The following RDX variants were observed in gnomAD, a reference collection of about 807,000 sequenced individuals.
The protein encoded by RDX is deafness, autosomal recessive 24.
A neutral mutation model predicts 83.7 loss-of-function variants in RDX; 32 were observed. The observed-to-expected ratio is 0.38, with a 90% confidence interval of 0.29 to 0.51. The LOEUF is 0.51. Ranked by LOEUF, RDX falls within the 20% of genes least tolerant of loss-of-function variation. The pLI is 0.87. For missense variants in RDX, 600 were observed against 689.9 expected (o/e 0.87, Z 1.46); for synonymous variants, 229 against 222.7 (o/e 1.03, Z -0.25).
downstream of RDX, among the ~76,000 whole-genome samples, chr11:110,224,635 A>G (rs1424014324): frequency 6.6e-6 from 1 of 152,224 alleles, no homozygotes; most frequent in Non-Finnish European, 1.5e-5. Context: ...CATTCCCAAA[A>G]AGTCATGGAT....
chr11:110,264,957 A>C, intron 3 of RDX, 83 bp from the exon 4 acceptor site: 13 of 970,148 alleles, frequency 1.3e-5, no homozygotes, highest in Non-Finnish European at 2.1e-5. Flanking sequence ...TCAAAAGGAG[A>C]ACAAAACTAT....
chr11:110,244,534 C>T (rs1368796211), intron 10 of RDX, among the ~76,000 whole-genome samples: 1 of 151,994 alleles, frequency 6.6e-6, no homozygotes, highest in Admixed American at 6.6e-5. Context: ...GAGAAAGATT[C>T]GTGGTTGTCT....
intron 10 of RDX, among the ~76,000 whole-genome samples, chr11:110,246,827 G>A (rs879868885): frequency 7.3e-5 from 11 of 151,500 alleles, no homozygotes; most frequent in Non-Finnish European, 1.0e-4. Context: ...TCCCAAAATC[G>A]GAATATTTCT....
At chr11:110,283,572 AAAAG>A (rs1367601071) in intron 1 of RDX, among the ~76,000 whole-genome samples, 1 of 152,184 alleles carries the variant, frequency 6.6e-6, no homozygotes, top group Non-Finnish European at 1.5e-5. Flanking sequence ...ATTTTTTTCA[AAAAG>A]AAAGGAGAAG....
chr11:110,188,200 A>G (rs1183863585), intron 15 of RDX, among the ~76,000 whole-genome samples: 1 of 152,016 alleles, frequency 6.6e-6, no homozygotes, highest in African/African-American at 2.4e-5. Context: ...AGGCTGAGGC[A>G]GGAGAATCAC....
chr11:110,209,035 G>C (rs1863710746), intron 14 of RDX, among the ~76,000 whole-genome samples: 1 of 152,222 alleles, frequency 6.6e-6, no homozygotes, highest in Non-Finnish European at 1.5e-5. Context: ...CAGCGTGAGC[G>C]ACGCAGAAGA....
rs1491576666 is a variant in RDX, at chr11:110,189,243, T to TTAAAAAAAAAAAAAAAAAAAAAAAAAA, written c.*31+10337_*31+10338insTTTTTTTTTTTTTTTTTTTTTTTTTTA. On this transcript the variant is annotated intron_variant, in intron 15 of 15. Coordinates refer to the RDX transcript ENST00000528498. ...AAACAAACTTTAAATGAACAACAGG[T>TTAAAAAAAAAAAAAAAAAAAAAAAAAA]AAAAAAAAAAAAAAAAAAAAAAAAA... 1.2e-3 allele frequency among the ~76,000 whole-genome samples: 44 copies of TTAAAAAAAAAAAAAAAAAAAAAAAAAA among 35,594 alleles called. 2 individuals are homozygous for TTAAAAAAAAAAAAAAAAAAAAAAAAAA. The highest frequency in any genetic ancestry group is 2.0e-3 in the Non-Finnish European group (31 of 15,748). The allele number at this position is 35,594 out of a possible 152,430, so 23.4% of individuals were successfully genotyped here. A position where few individuals can be genotyped will look rare whatever the true frequency, so the allele number is the denominator to read the frequency against.
intron 10 of RDX, among the ~76,000 whole-genome samples, chr11:110,242,363 G>A (rs964523094): frequency 3.3e-5 from 5 of 151,298 alleles, no homozygotes; most frequent in Admixed American, 6.6e-5. Context: ...GAACCCGGGA[G>A]GCAGAGGTTG....
intron 15 of RDX, among the ~76,000 whole-genome samples, chr11:110,189,524 G>C (rs1466882927): frequency 6.6e-6 from 1 of 152,116 alleles, no homozygotes. Context: ...GACAGCTACA[G>C]ACTATTCTAC....
At position 110,247,580 on chromosome 11, in the gene RDX, T is replaced by C. The variant is rs1055464173; in HGVS notation, c.1090+123A>G. Reference sequence around the variant, plus strand: ...GATGTGATTCCACTAAGTATTAATTTGCCAATTAAATATACAATTGTCCTA... The same window carrying C: ...GATGTGATTCCACTAAGTATTAATTCGCCAATTAAATATACAATTGTCCTA... On this transcript the variant is annotated intron_variant, in intron 10 of 13. Coordinates refer to ENST00000645495, the MANE Select transcript of RDX (RefSeq NM_002906.4). The C allele has an allele frequency of 4.2e-6, 4 of 951,024 alleles. No homozygotes were observed. The East Asian group carries it at 1.0e-4, about 24-fold the overall frequency. The allele number at this position is 951,024 out of a possible 1,614,324, so 58.9% of individuals were successfully genotyped here.
At chr11:110,266,348 ATAAAG>A (rs1219291828) in intron 3 of RDX, among the ~76,000 whole-genome samples, 6 of 152,050 alleles carry the variant, frequency 3.9e-5, no homozygotes, top group Admixed American at 2.6e-4. Context: ...AAAAAAGAAA[ATAAAG>A]TAAGAGTAAA....
At chr11:110,293,098 T>C (rs1225330350) in intron 1 of RDX, among the ~76,000 whole-genome samples, 1 of 152,258 alleles carries the variant, frequency 6.6e-6, no homozygotes, top group East Asian at 1.9e-4. Context: ...AAATATGATT[T>C]ACTCAATGTT....
intron 14 of RDX, among the ~76,000 whole-genome samples, chr11:110,222,231 C>T (rs933705905): frequency 2.6e-5 from 4 of 152,156 alleles, no homozygotes; most frequent in African/African-American, 2.4e-5. Context: ...CATACTTACT[C>T]GCACAGTCTT....
chr11:110,240,781 C>T (rs1230422263), intron 10 of RDX, among the ~76,000 whole-genome samples: 5 of 143,650 alleles, frequency 3.5e-5, no homozygotes, highest in Admixed American at 7.0e-5. Flanking sequence ...TGGCCAGGCA[C>T]GGTGGTTCAT....
chr11:110,216,920 C>T (rs1864075210), intron 14 of RDX, among the ~76,000 whole-genome samples: 1 of 152,168 alleles, frequency 6.6e-6, no homozygotes, highest in Admixed American at 6.5e-5. Context: ...TCTAGCTTAT[C>T]TTGGAAGATC....
rs1157301959 is a variant in RDX, at chr11:110,258,089, A to T, written c.551+17T>A. On this transcript the variant is annotated intron_variant, in intron 6 of 13. Transcript: ENST00000645495. ...TTGAAGGAAAAAAGAAAACATAGAAAATAGCTACCCAAATACCTTAACATT... is the reference window on the plus strand; with the variant it reads ...TTGAAGGAAAAAAGAAAACATAGAATATAGCTACCCAAATACCTTAACATT... 8.9e-6 allele frequency: 14 copies of T among 1,570,660 alleles called. No homozygotes were observed. Among genetic ancestry groups the T allele is most frequent in the Non-Finnish European group, 1.2e-5 (14 of 1,144,000 alleles).
chr11:110,177,542 CCATT>C (rs1347987740), intron 15 of RDX, among the ~76,000 whole-genome samples: 2 of 152,230 alleles, frequency 1.3e-5, no homozygotes, highest in Admixed American at 6.5e-5. Flanking sequence ...CCCAAATCCT[CCATT>C]CAGCCTCTGA....
intron 14 of RDX, among the ~76,000 whole-genome samples, chr11:110,207,137 C>A (rs1863635299): frequency 6.6e-6 from 1 of 152,122 alleles, no homozygotes; most frequent in African/African-American, 2.4e-5. Context: ...CCATGCCCAA[C>A]TAAGTTTTGT....
intron 10 of RDX, among the ~76,000 whole-genome samples, chr11:110,246,649 C>T (rs1336966454): frequency 6.6e-6 from 1 of 151,894 alleles, no homozygotes; most frequent in Non-Finnish European, 1.5e-5. Context: ...GTGGAGTACG[C>T]CTGTAATCCC....
Sources: gnomAD v4.1 joint callset for allele counts (sites outside exome capture counted in the v4.1 genomes callset) on GRCh38, gnomAD v4.1.1 for gene constraint, MANE v1.5 for transcripts, NCBI Gene and HGNC (gene_info 2026-07-23, HGNC 2026-07-21) for gene names.